Variants in FNDC3B observed in about 807,000 individuals in gnomAD.
The protein encoded by FNDC3B is fibronectin type III domain-containing protein 3B.
In FNDC3B, 12 loss-of-function variants were observed where a neutral mutation model predicts 151.5. The observed-to-expected ratio is 0.08, with a 90% CI of 0.05 to 0.13. The LOEUF is 0.13. Ranked by LOEUF, FNDC3B falls within the 10% of genes least tolerant of loss-of-function variation. The probability of loss-of-function intolerance (pLI) is 1.00; values close to 1 mark genes in which losing one functional copy is unlikely to be tolerated. For missense variants in FNDC3B, 1,214 were observed against 1,505.3 expected (o/e 0.81, Z 3.20); for synonymous variants, 528 against 549.0 (o/e 0.96, Z 0.54).
At chr3:172,296,597 C>A (rs1297859798) in intron 8 of FNDC3B, among the ~76,000 whole-genome samples, 2 of 152,214 alleles carry the variant, frequency 1.3e-5, no homozygotes, top group African/African-American at 4.8e-5. Context: ...TGATAACACT[C>A]CAGGGATTCC....
At chr3:172,343,271 A>C (rs943011795) in intron 18 of FNDC3B, among the ~76,000 whole-genome samples, 155 bp downstream of exon 18, 14 of 152,152 alleles carry the variant, frequency 9.2e-5, no homozygotes, top group Non-Finnish European at 2.1e-4. Flanking sequence ...ATGTTGACCC[A>C]GGTTTTTTAT....
chr3:172,119,506 A>G (rs974505952), intron 2 of FNDC3B, among the ~76,000 whole-genome samples: 1 of 152,182 alleles, frequency 6.6e-6, no homozygotes, highest in East Asian at 1.9e-4. Flanking sequence ...AGTGGGCAGG[A>G]AAACAGACCA....
chr3:172,129,699 G>A (rs1533821), intron 2 of FNDC3B, among the ~76,000 whole-genome samples: 2 of 152,266 alleles, frequency 1.3e-5, no homozygotes, highest in South Asian at 4.1e-4. Flanking sequence ...TAACGGTTTT[G>A]AAACAGATCT....
At chr3:172,189,674 C>G (rs963908676) in intron 3 of FNDC3B, among the ~76,000 whole-genome samples, 1 of 151,878 alleles carries the variant, frequency 6.6e-6, no homozygotes, top group African/African-American at 2.4e-5. Context: ...ATTAGCCAGG[C>G]ATGGTGGCAC....
At chr3:172,211,298 G>T (rs1725721540) in intron 3 of FNDC3B, among the ~76,000 whole-genome samples, 1 of 152,172 alleles carries the variant, frequency 6.6e-6, no homozygotes, top group Non-Finnish European at 1.5e-5. Context: ...GAACTTGGCG[G>T]GATCCTGTTT....
At chr3:172,279,699 T>G (rs1392622874) in intron 6 of FNDC3B, among the ~76,000 whole-genome samples, 2 of 152,246 alleles carry the variant, frequency 1.3e-5, no homozygotes, top group Non-Finnish European at 2.9e-5. Context: ...TTCTTCGTGT[T>G]GTGATTTTAC....
intron 3 of FNDC3B, among the ~76,000 whole-genome samples, chr3:172,219,726 G>A (rs916338932): frequency 5.9e-5 from 9 of 152,298 alleles, no homozygotes; most frequent in African/African-American, 2.2e-4. Context: ...ACACAATATG[G>A]GTGATCTTTT....
intron 3 of FNDC3B, among the ~76,000 whole-genome samples, chr3:172,195,261 C>G (rs112402666): frequency 6.6e-5 from 10 of 151,794 alleles, no homozygotes; most frequent in Non-Finnish European, 1.5e-5. Context: ...AGGGTATTTG[C>G]AATGTATAGA....
intron 3 of FNDC3B, among the ~76,000 whole-genome samples, chr3:172,212,390 C>T (rs1016684461): frequency 1.3e-5 from 2 of 152,098 alleles, no homozygotes; most frequent in East Asian, 1.9e-4. Flanking sequence ...TTTTTTACCG[C>T]GTTCTTTCCA....
At chr3:172,132,092 T>C (rs1258012319) in intron 2 of FNDC3B, among the ~76,000 whole-genome samples, 1 of 152,148 alleles carries the variant, frequency 6.6e-6, no homozygotes, top group Non-Finnish European at 1.5e-5. Context: ...TTTGTTTGAT[T>C]TAGAACACAT....
At chr3:172,074,610 G>T (rs1717921781) in intron 1 of FNDC3B, among the ~76,000 whole-genome samples, 1 of 152,122 alleles carries the variant, frequency 6.6e-6, no homozygotes, top group Non-Finnish European at 1.5e-5. Context: ...GGAGGATGTT[G>T]CAGATATCTT....
intron 1 of FNDC3B, among the ~76,000 whole-genome samples, chr3:172,075,396 T>C (rs73037200): frequency 0.013 from 1,986 of 152,270 alleles, 48 homozygotes; most frequent in African/African-American, 0.044. Context: ...TTGTGATTAA[T>C]GATATGAAAA....
chr3:172,364,157 G>A (rs1210929593), intron 23 of FNDC3B, among the ~76,000 whole-genome samples: 2 of 152,258 alleles, frequency 1.3e-5, no homozygotes, highest in East Asian at 1.9e-4. Context: ...TCATCTTATT[G>A]TGCTATATGT....
At chr3:172,328,925 A>G in intron 11 of FNDC3B, 27 bp from the exon 12 acceptor site, 3 of 1,522,598 alleles carry the variant, frequency 2.0e-6, no homozygotes, top group Admixed American at 2.0e-5. Flanking sequence ...TTTTAAGTAT[A>G]TGCATTGTTT....
At chr3:172,382,360 A>G (rs1735494973) in intron 25 of FNDC3B, among the ~76,000 whole-genome samples, 4 of 151,988 alleles carry the variant, frequency 2.6e-5, no homozygotes, top group Admixed American at 2.6e-4. Flanking sequence ...TGTAGGTGCT[A>G]GATATTAGGC....
chr3:172,071,441 A>G (rs1205271305), intron 1 of FNDC3B, among the ~76,000 whole-genome samples: 1 of 152,156 alleles, frequency 6.6e-6, no homozygotes, highest in Non-Finnish European at 1.5e-5. Context: ...CTTTAGGTAT[A>G]TATATATTTA....
chr3:172,066,640 T>C (rs972380851), intron 1 of FNDC3B, among the ~76,000 whole-genome samples: 1 of 152,244 alleles, frequency 6.6e-6, no homozygotes. Flanking sequence ...TACGTGCTGC[T>C]GTTCCCAGAC....
chr3:172,225,186 T>C (rs1726492544), intron 3 of FNDC3B, among the ~76,000 whole-genome samples: 1 of 152,222 alleles, frequency 6.6e-6, no homozygotes, highest in Admixed American at 6.5e-5. Flanking sequence ...TTAAAAACTT[T>C]TTTGGGAAGA....
intron 6 of FNDC3B, among the ~76,000 whole-genome samples, chr3:172,270,153 A>G (rs1729128057): frequency 6.6e-6 from 1 of 152,228 alleles, no homozygotes; most frequent in Non-Finnish European, 1.5e-5. Context: ...ATGTTATTGT[A>G]GTGCTTGTTT....
Sources: allele counts gnomAD v4.1 joint callset (sites outside exome capture counted in the v4.1 genomes callset), GRCh38; gene constraint gnomAD v4.1.1; transcripts MANE v1.5; gene names NCBI Gene and HGNC (gene_info 2026-07-23, HGNC 2026-07-21).